Variants in PTPRD observed in about 807,000 individuals in gnomAD.
PTPRD encodes the protein receptor-type tyrosine-protein phosphatase delta.
A neutral mutation model predicts 214.5 loss-of-function variants in PTPRD; 34 were observed. That is an observed-to-expected ratio of 0.16 (90% CI 0.12 to 0.21). The LOEUF (loss-of-function observed/expected upper bound fraction) is 0.21, where lower values mean the gene tolerates loss of function less well. Among genes scored for constraint, PTPRD ranks in the 10% least tolerant of loss-of-function variants. The pLI is 1.00. For synonymous variants in PTPRD, 1,128 were observed against 845.7 expected (o/e 1.33, Z -5.79); for missense variants, 2,545 against 2,398.7 (o/e 1.06, Z -1.27).
intron 11 of PTPRD, among the ~76,000 whole-genome samples, chr9:9,016,078 A>G (rs1382482331): frequency 6.6e-6 from 1 of 152,072 alleles, no homozygotes; most frequent in East Asian, 1.9e-4. Flanking sequence ...AAACATGCTC[A>G]CTAATACTTT....
intron 10 of PTPRD, among the ~76,000 whole-genome samples, chr9:9,066,359 T>C (rs1304681767): frequency 6.6e-6 from 1 of 152,192 alleles, no homozygotes; most frequent in Non-Finnish European, 1.5e-5. Flanking sequence ...TGACAAGTCA[T>C]ATTTCCTATC....
intron 9 of PTPRD, among the ~76,000 whole-genome samples, chr9:9,386,018 G>A (rs1238357006): frequency 2.0e-5 from 3 of 151,952 alleles, no homozygotes; most frequent in African/African-American, 4.8e-5. Flanking sequence ...AGCCCAGTAT[G>A]GCCTGCATCT....
chr9:9,777,442 C>A (rs1431883739), intron 5 of PTPRD, among the ~76,000 whole-genome samples: 1 of 152,016 alleles, frequency 6.6e-6, no homozygotes, highest in Non-Finnish European at 1.5e-5. Context: ...TGCTTGTAAT[C>A]CCAGCCATTT....
At chr9:10,480,014 A>G (rs1358389045) in intron 2 of PTPRD, among the ~76,000 whole-genome samples, 2 of 152,192 alleles carry the variant, frequency 1.3e-5, no homozygotes, top group Non-Finnish European at 2.9e-5. Context: ...AAGCTTTATC[A>G]GGAAGATATG....
intron 7 of PTPRD, among the ~76,000 whole-genome samples, chr9:9,671,951 G>C (rs2096840273): frequency 6.6e-6 from 1 of 152,270 alleles, no homozygotes; most frequent in African/African-American, 2.4e-5. Flanking sequence ...TCATTAGGGG[G>C]TTGTTATGAG....
chr9:8,341,048 A>C, intron 41 of PTPRD, 42 bp downstream of exon 41: 7 of 1,515,088 alleles, frequency 4.6e-6, no homozygotes, highest in Non-Finnish European at 4.4e-6. Flanking sequence ...GGCACATGTA[A>C]ATATCAAGGC....
rs902644670 is a variant in PTPRD, at chr9:8,466,583, T to C, written c.3505-908A>G. On this transcript the variant is annotated intron_variant, in intron 31 of 45. Coordinates refer to ENST00000381196, the MANE Select transcript of PTPRD (RefSeq NM_002839.4). ...TTACCTTTGACTTCTCCAATTAAAA[T>C]TGGTATTTCACAGGGTTTAACAAGG... Among the ~76,000 whole-genome samples the C allele has an allele frequency of 4.9e-4, 75 of 151,946 alleles. 1 individual carries two copies. Among genetic ancestry groups the C allele is most frequent in the Non-Finnish European group, 1.2e-4 (8 of 67,902 alleles).
intron 4 of PTPRD, among the ~76,000 whole-genome samples, chr9:10,026,165 A>C (rs2096919560): frequency 6.6e-6 from 1 of 152,200 alleles, no homozygotes; most frequent in African/African-American, 2.4e-5. Context: ...TTAACTAAAA[A>C]TTTGAGTGCT....
chr9:9,143,558 T>A (rs1317387289), intron 10 of PTPRD, among the ~76,000 whole-genome samples: 1 of 152,218 alleles, frequency 6.6e-6, no homozygotes, highest in African/African-American at 2.4e-5. Context: ...ATCATAGTAA[T>A]TTTTAAAGAC....
At chr9:8,356,376 C>T (rs1247660651) in intron 39 of PTPRD, among the ~76,000 whole-genome samples, 1 of 152,118 alleles carries the variant, frequency 6.6e-6, no homozygotes, top group Non-Finnish European at 1.5e-5. Flanking sequence ...CATTTTATGA[C>T]CAAGGGGCAC....
At chr9:10,156,226 T>C (rs2099092547) in intron 3 of PTPRD, among the ~76,000 whole-genome samples, 1 of 151,882 alleles carries the variant, frequency 6.6e-6, no homozygotes, top group Non-Finnish European at 1.5e-5. Context: ...GTTGTGATGT[T>C]AGGTTGTTAA....
Position 8,465,493 on chromosome 9 carries a change from C to G in PTPRD, c.3687G>C (p.Val1229=). ...ACTCTGCATGTTCCATTACTGCTAA[C>G]ACAAAGAAGACATATTCTTGACCAC... ...LQSGQEYVFF[V]LAVMEHAESK... is the part of the protein sequence containing the mutation. The change falls in exon 32 of 46, where the codon GTG becomes GTC. Residue 1229 remains valine (V), a synonymous_variant. Coordinates refer to ENST00000381196, the MANE Select transcript of PTPRD (RefSeq NM_002839.4). 6.2e-7 allele frequency: 1 copy of G among 1,612,342 alleles called. No individual in the cohort carries two copies.
intron 7 of PTPRD, among the ~76,000 whole-genome samples, chr9:9,641,807 C>A (rs905608653): frequency 3.9e-5 from 6 of 152,098 alleles, no homozygotes; most frequent in South Asian, 4.1e-4. Flanking sequence ...CCCAAACCAC[C>A]GTGATTTAGC....
Position 8,716,568 on chromosome 9 carries a change from T to C in PTPRD, c.64+17212A>G, listed in dbSNP as rs1002399234. ...GCCCTACACAGAGATTGAAAGCCTA[T>C]AGTCGCAGACGAGATCCATCCCAAA... On this transcript the variant is annotated intron_variant, in intron 12 of 45. Transcript: ENST00000381196. 6.3e-5 allele frequency among the ~76,000 whole-genome samples: 9 copies of C among 143,926 alleles called. No homozygotes were observed. In the South Asian group the frequency reaches 1.5e-3, roughly 23 times the overall value. The allele number at this position is 143,926 out of a possible 152,430, so 94.4% of individuals were successfully genotyped here.
chr9:8,951,441 G>C (rs946416029), intron 11 of PTPRD, among the ~76,000 whole-genome samples: 1 of 151,006 alleles, frequency 6.6e-6, no homozygotes, highest in African/African-American at 2.4e-5. Context: ...ATAATCTGTA[G>C]GCTGTTAACT....
At chr9:9,342,691 A>G (rs545596192) in intron 9 of PTPRD, among the ~76,000 whole-genome samples, 30 of 143,270 alleles carry the variant, frequency 2.1e-4, no homozygotes, top group African/African-American at 7.7e-4. Context: ...CAGTCTCACA[A>G]ATTGTATATC....
intron 10 of PTPRD, among the ~76,000 whole-genome samples, chr9:9,120,698 T>A (rs1483773205): frequency 6.6e-6 from 1 of 152,194 alleles, no homozygotes; most frequent in Non-Finnish European, 1.5e-5. Context: ...CTGAGTAGAT[T>A]TGAAGTAGCA....
Position 8,690,594 on chromosome 9 carries a change from T to C in PTPRD, c.64+43186A>G, listed in dbSNP as rs1380261811. 4.7e-4 allele frequency among the ~76,000 whole-genome samples: 71 copies of C among 152,024 alleles called. 1 individual carries two copies. Among genetic ancestry groups the C allele is most frequent in the Admixed American group, 4.6e-3 (70 of 15,266 alleles). On this transcript the variant is annotated intron_variant, in intron 12 of 45. Transcript: ENST00000381196. Reference sequence around the variant, plus strand: ...ATTTATCCATAGGGGCTAATTTTATTCAAGAGAACACAATATGTTTCTCAT... The same window carrying C: ...ATTTATCCATAGGGGCTAATTTTATCCAAGAGAACACAATATGTTTCTCAT...
intron 2 of PTPRD, among the ~76,000 whole-genome samples, chr9:10,583,014 A>G (rs1053077065): frequency 3.9e-5 from 6 of 152,230 alleles, no homozygotes; most frequent in African/African-American, 1.4e-4. Context: ...AGGCTAATCT[A>G]TAATTCAGTC....
Sources: gnomAD v4.1 joint callset for allele counts (sites outside exome capture counted in the v4.1 genomes callset) on GRCh38, gnomAD v4.1.1 for gene constraint, MANE v1.5 for transcripts, NCBI Gene and HGNC (gene_info 2026-07-23, HGNC 2026-07-21) for gene names.